The following TTC7B variants were observed in gnomAD, a reference collection of about 807,000 sequenced individuals.
TTC7B encodes tetratricopeptide repeat protein 7B.
A neutral mutation model predicts 106.8 loss-of-function variants in TTC7B; 28 were observed. The observed-to-expected ratio is 0.26, with a 90% CI of 0.19 to 0.36. TTC7B has a LOEUF of 0.36. TTC7B is among the 10% of genes least tolerant of loss of function. The pLI, the probability that TTC7B is intolerant of heterozygous loss-of-function variation, is 1.00. For missense variants in TTC7B, 862 were observed against 1,076.4 expected, an observed-to-expected ratio of 0.80 and a Z score of 2.79; for synonymous variants, 405 against 430.6, an observed-to-expected ratio of 0.94 and a Z score of 0.74.
At chr14:90,640,199 G>A (rs1466809002) in intron 15 of TTC7B, among the ~76,000 whole-genome samples, 2 of 152,004 alleles carry the variant, frequency 1.3e-5, no homozygotes, top group Non-Finnish European at 2.9e-5. Flanking sequence ...ATTGAGCTGG[G>A]AGTTTGAGAA....
intron 17 of TTC7B, among the ~76,000 whole-genome samples, chr14:90,601,041 C>T (rs1892402840): frequency 6.6e-6 from 1 of 152,186 alleles, no homozygotes; most frequent in South Asian, 2.1e-4. Flanking sequence ...CCAACTTCTA[C>T]CTGAGTGCCA....
intron 9 of TTC7B, among the ~76,000 whole-genome samples, chr14:90,661,688 C>A (rs1042562720): frequency 8.5e-5 from 13 of 152,138 alleles, no homozygotes; most frequent in Non-Finnish European, 1.6e-4. Context: ...AATAACACCA[C>A]CAAGTACTTC....
At chr14:90,633,127 G>A (rs1209351550) in intron 15 of TTC7B, among the ~76,000 whole-genome samples, 1 of 152,200 alleles carries the variant, frequency 6.6e-6, no homozygotes, top group East Asian at 1.9e-4. Context: ...ATCATCTGAT[G>A]TCTTATAGTT....
At chr14:90,717,410 A>G (rs1050679023) in intron 5 of TTC7B, among the ~76,000 whole-genome samples, 1 of 152,098 alleles carries the variant, frequency 6.6e-6, no homozygotes, top group Non-Finnish European at 1.5e-5. Context: ...GGAATTTGCT[A>G]TGAGAACATA....
chr14:90,675,515 A>C (rs547499811), intron 9 of TTC7B, among the ~76,000 whole-genome samples: 5 of 152,292 alleles, frequency 3.3e-5, no homozygotes, highest in Admixed American at 2.0e-4. Flanking sequence ...ATCTGCACAC[A>C]CTGCTTTGTC....
In TTC7B at chr14:90,644,183, C is replaced by T. The variant is rs367676169; in HGVS notation, c.1616G>A (p.Arg539His). 1.3e-5 allele frequency: 21 copies of T among 1,608,044 alleles called. No homozygotes were observed. The highest frequency in any genetic ancestry group is 1.1e-4 in the African/African-American group (8 of 74,392). Residue 539 changes from arginine to histidine, a missense_variant, in exon 15 of 20, where the codon CGC becomes CAC. Coordinates refer to ENST00000328459, the MANE Select transcript of TTC7B (RefSeq NM_001010854.2). ...GTCACCTTGAAGCTGAAGAGCTTGG[C>T]GGACATACCCCAGAGCCTCTGGGAT... The part of the protein sequence containing the change: ...RQIPEALGYV[R>H]QALQLQGDDA...
At chr14:90,736,153 T>C (rs1889515201) in intron 4 of TTC7B, among the ~76,000 whole-genome samples, 1 of 149,020 alleles carries the variant, frequency 6.7e-6, no homozygotes, top group African/African-American at 2.4e-5. Context: ...TTTAGAGCTA[T>C]ATATATATAT....
At chr14:90,558,680 G>A (rs756252161) in intron 19 of TTC7B, among the ~76,000 whole-genome samples, 7 of 152,334 alleles carry the variant, frequency 4.6e-5, no homozygotes, top group South Asian at 2.1e-4. Flanking sequence ...CCCAAAGGGC[G>A]GGGTCTCCCC....
chr14:90,560,975 C>T (rs1890550159), intron 19 of TTC7B, among the ~76,000 whole-genome samples: 1 of 152,212 alleles, frequency 6.6e-6, no homozygotes, highest in Non-Finnish European at 1.5e-5. Context: ...ACCTGCCTTG[C>T]TTTGAAAGGC....
At chr14:90,661,808 G>A (rs569509524) in intron 9 of TTC7B, among the ~76,000 whole-genome samples, 10 of 152,224 alleles carry the variant, frequency 6.6e-5, no homozygotes, top group African/African-American at 2.2e-4. Flanking sequence ...CTGTTTTCCT[G>A]ATCAACAAAA....
intron 4 of TTC7B, among the ~76,000 whole-genome samples, chr14:90,740,691 G>A (rs1264133850): frequency 6.6e-6 from 1 of 151,640 alleles, no homozygotes; most frequent in African/African-American, 2.4e-5. Flanking sequence ...CAGTGGAGAC[G>A]GGGTTTCACC....
chr14:90,629,805 C>A (rs1304335102), intron 15 of TTC7B, among the ~76,000 whole-genome samples: 8 of 152,260 alleles, frequency 5.3e-5, no homozygotes, highest in African/African-American at 1.9e-4. Context: ...CCTCTCCCAG[C>A]TGCTCGGCTT....
At chr14:90,641,245 C>T (rs1048037303) in intron 15 of TTC7B, among the ~76,000 whole-genome samples, 1 of 152,310 alleles carries the variant, frequency 6.6e-6, no homozygotes, top group South Asian at 2.1e-4. Flanking sequence ...AGGAATGTAA[C>T]GCTGGAGGGA....
chr14:90,528,484 C>T lies in TTC7B; in HGVS notation c.*12884G>A, dbSNP rs74192735. ...GACCTCCCACTTTGTTACCTGTTTCCGACGGTGTGACCCGAGTGCGCTTCG... is the reference window on the plus strand; with the variant it reads ...GACCTCCCACTTTGTTACCTGTTTCTGACGGTGTGACCCGAGTGCGCTTCG... On this transcript the variant is annotated 3_prime_UTR_variant, in exon 20 of 20. Transcript: ENST00000328459. 217 of 152,838 alleles carry T rather than the reference C, an allele frequency of 1.4e-3. 3 individuals are homozygous for T. In the East Asian group the frequency reaches 0.039, roughly 27 times the overall value. The allele number at this position is 152,838 out of a possible 1,614,324, so 9.5% of individuals were successfully genotyped here.
intron 15 of TTC7B, among the ~76,000 whole-genome samples, chr14:90,618,543 C>T (rs1042679704): frequency 6.6e-6 from 1 of 152,184 alleles, no homozygotes; most frequent in African/African-American, 2.4e-5. Flanking sequence ...CGGCATAGGC[C>T]CTCAGCTCCT....
chr14:90,610,518 G>T lies in TTC7B; in HGVS notation c.1966+224C>A, dbSNP rs867594887. ...AGTTCCAAGAGCAAAGGGGGAAATA[G>T]ATTTCAAAGAAAGCACTGGGCTGGG... On this transcript the variant is annotated intron_variant, in intron 17 of 19. Transcript: ENST00000328459. Among the ~76,000 whole-genome samples the T allele has an allele frequency of 2.6e-5, 4 of 152,298 alleles. No homozygotes were observed. In the South Asian group the frequency reaches 6.2e-4, roughly 24 times the overall value.
At chr14:90,725,449 G>A (rs1359420960) in intron 5 of TTC7B, among the ~76,000 whole-genome samples, 1 of 152,194 alleles carries the variant, frequency 6.6e-6, no homozygotes, top group Non-Finnish European at 1.5e-5. Flanking sequence ...TCTAAGTCTA[G>A]GTTACACTGA....
chr14:90,678,354 T>C (rs1886922938), intron 8 of TTC7B, among the ~76,000 whole-genome samples: 3 of 152,248 alleles, frequency 2.0e-5, no homozygotes, highest in South Asian at 4.1e-4. Flanking sequence ...GACAAATTCA[T>C]GCTTCTGAAT....
intron 1 of TTC7B, among the ~76,000 whole-genome samples, chr14:90,814,535 T>A (rs1303153337): frequency 6.6e-6 from 1 of 151,948 alleles, no homozygotes; most frequent in Non-Finnish European, 1.5e-5. Flanking sequence ...ATTGGGTGAA[T>A]GAATAAGCAA....
Sources: gnomAD v4.1 joint callset for allele counts (sites outside exome capture counted in the v4.1 genomes callset) on GRCh38, gnomAD v4.1.1 for gene constraint, MANE v1.5 for transcripts, NCBI Gene and HGNC (gene_info 2026-07-23, HGNC 2026-07-21) for gene names.